Variants in VCAM1 observed in about 807,000 individuals in gnomAD.
The protein encoded by VCAM1 is vascular cell adhesion protein 1.
Under a neutral mutation model 63.8 loss-of-function variants are expected in VCAM1, and 41 were observed. The ratio of observed to expected loss-of-function variants is 0.64; its 90% CI spans 0.50 to 0.83. VCAM1 has a LOEUF of 0.83. Ranked by LOEUF, VCAM1 falls within the 40% of genes least tolerant of loss-of-function variation. The pLI, the probability that VCAM1 is intolerant of heterozygous loss-of-function variation, is 0.00. For missense variants in VCAM1, 798 were observed against 875.5 expected (o/e 0.91, Z 1.12); for synonymous variants, 338 against 320.7 (o/e 1.05, Z -0.58).
chr1:100,732,721 T>C, intron 7 of VCAM1, 37 bp downstream of exon 7: 1 of 1,507,266 alleles, frequency 6.6e-7, no homozygotes, highest in South Asian at 1.4e-5. Flanking sequence ...TCCTTGCTAG[T>C]AATGTTTTTG....
chr1:100,733,752 C>A lies in VCAM1; in HGVS notation c.1793-750C>A, dbSNP rs558870407. 2.6e-5 allele frequency among the ~76,000 whole-genome samples: 4 copies of A among 152,304 alleles called. No individual in the cohort carries two copies. In the South Asian group the frequency reaches 8.3e-4, roughly 32 times the overall value. On this transcript the variant is annotated intron_variant, in intron 7 of 8. Transcript: ENST00000294728. ...AAAAAGCCACATCTGTACAGCTTAA[C>A]TTCTTGATTGAAGAATCCAACTCAA... is the stretch of plus-strand genomic sequence containing the variant.
In VCAM1 at chr1:100,720,716, G is replaced by A. The variant is rs1351920024; in HGVS notation, c.305G>A (p.Arg102Lys). Reference protein sequence around the residue: ...SYLCTATCESRKLEKGIQVEI... With the variant: ...SYLCTATCESKKLEKGIQVEI... ...CTGTGCACAGCAACTTGTGAATCTA[G>A]GAAATTGGAAAAAGGAATCCAGGTG... is the stretch of plus-strand genomic sequence containing the variant. The change falls in exon 2 of 9, where the codon AGG becomes AAG. Residue 102 changes from arginine to lysine, a missense_variant. By Grantham distance (26) the Arg-to-Lys change is conservative. Transcript: ENST00000294728. 3 of 1,611,476 alleles carry A rather than the reference G, an allele frequency of 1.9e-6. No homozygotes were observed. Among genetic ancestry groups the A allele is most frequent in the South Asian group, 1.1e-5 (1 of 90,664 alleles).
chr1:100,722,723 T>A (rs1215766348), intron 2 of VCAM1, among the ~76,000 whole-genome samples: 2 of 152,106 alleles, frequency 1.3e-5, no homozygotes, highest in African/African-American at 2.4e-5. Context: ...TATAGCACAG[T>A]GACAGCCACA....
In VCAM1 at chr1:100,737,088, C is replaced by G. The variant is rs962244365; in HGVS notation, c.2060-1035C>G. Reference sequence around the variant, plus strand: ...TAGCAGCTGTCAGATGATTTTTTAGCAGATTAGAAAGAATACTAATTTTAA... The same window carrying G: ...TAGCAGCTGTCAGATGATTTTTTAGGAGATTAGAAAGAATACTAATTTTAA... On this transcript the variant is annotated intron_variant, in intron 8 of 8. Coordinates refer to ENST00000294728, the MANE Select transcript of VCAM1 (RefSeq NM_001078.4). The G allele has an allele frequency of 4.6e-5, 7 of 152,070 alleles. No individual in the cohort carries two copies. In the East Asian group the frequency reaches 1.3e-3, roughly 29 times the overall value. The allele number at this position is 152,070 out of a possible 1,614,324, so 9.4% of individuals were successfully genotyped here.
chr1:100,725,438 C>T (rs1161101913), intron 4 of VCAM1, among the ~76,000 whole-genome samples: 1 of 152,036 alleles, frequency 6.6e-6, no homozygotes, highest in East Asian at 1.9e-4. Context: ...GTTTCTGGCA[C>T]TTTCCATATG....
chr1:100,724,625 A>T lies in VCAM1; in HGVS notation c.663A>T (p.Ile221=). The part of the protein sequence containing the change: ...RQAVKELQVY[I]SPKNTVISVN... Reference sequence around the variant, plus strand: ...TAATATTATTTTTTGCCCTTTCAGTATCACCCAAGAATACAGTTATTTCTG... The same window carrying T: ...TAATATTATTTTTTGCCCTTTCAGTTTCACCCAAGAATACAGTTATTTCTG... The change falls in exon 4 of 9, where the codon ATA becomes ATT. Residue 221 remains isoleucine, a splice_region_variant and synonymous_variant. Coordinates refer to ENST00000294728, the MANE Select transcript of VCAM1 (RefSeq NM_001078.4). 6.2e-7 allele frequency: 1 copy of T among 1,610,294 alleles called. No homozygotes were observed.
Position 100,723,217 on chromosome 1 carries a change from G to T in VCAM1, c.538G>T (p.Val180Leu). Residue 180 changes from valine (V) to leucine (L), a missense_variant, in exon 3 of 9, where the codon GTA becomes TTA. Transcript: ENST00000294728. ...GTCCCTGGAAACCAAGAGTTTGGAA[G>T]TAACCTTTACTCCTGTCATTGAGGA... The part of the protein sequence containing the change: ...RKSLETKSLE[V>L]TFTPVIEDIG... The T allele has an allele frequency of 1.2e-6, 2 of 1,613,142 alleles. No individual in the cohort carries two copies. Among genetic ancestry groups the T allele is most frequent in the South Asian group, 1.1e-5 (1 of 91,068 alleles).
chr1:100,723,339 C>T lies in VCAM1; in HGVS notation c.660C>T (p.Tyr220=), dbSNP rs761351456. The T allele has an allele frequency of 1.9e-6, 3 of 1,611,300 alleles. No individual in the cohort carries two copies. The highest frequency in any genetic ancestry group is 1.7e-4 in the Middle Eastern group (1 of 6,044). Residue 220 remains tyrosine, a splice_region_variant and synonymous_variant, in exon 3 of 9, where the codon TAC becomes TAT. Coordinates refer to ENST00000294728, the MANE Select transcript of VCAM1 (RefSeq NM_001078.4). ...VRQAVKELQV[Y]ISPKNTVISV... is the part of the protein sequence containing the mutation. The stretch of plus-strand genomic sequence containing the variant: ...AGGCTGTAAAAGAATTGCAAGTCTA[C>T]AGTAAGTACTTGTGCGATGTGTTCC...
At chr1:100,720,115 C>T (rs112946171) in intron 1 of VCAM1, among the ~76,000 whole-genome samples, 191 bp downstream of exon 1, 17 of 152,142 alleles carry the variant, frequency 1.1e-4, no homozygotes, top group African/African-American at 3.9e-4. Flanking sequence ...ATAGTTAGAG[C>T]TGAAAATTGA....
At chr1:100,722,871 C>A in intron 2 of VCAM1, 149 bp from the exon 3 acceptor site, 2 of 889,334 alleles carry the variant, frequency 2.2e-6, no homozygotes, top group Non-Finnish European at 3.3e-6. Flanking sequence ...GAACTCACCC[C>A]AAATCATGAA....
At chr1:100,726,849 ATGTGTCTTTCCACTAAAC>A (rs1415669456) in intron 4 of VCAM1, among the ~76,000 whole-genome samples, 1 of 152,068 alleles carries the variant, frequency 6.6e-6, no homozygotes, top group East Asian at 1.9e-4. Context: ...ATCTTTTTAA[ATGTGTCTTTCCACTAAAC>A]TGTAAATTCC....
At position 100,738,198 on chromosome 1, in the gene VCAM1, C is replaced by A; in HGVS notation, c.2135C>A (p.Ala712Asp). 1 of 1,613,812 alleles carries A rather than the reference C, an allele frequency of 6.2e-7. No individual in the cohort carries two copies. The highest frequency in any genetic ancestry group is 8.5e-7 in the Non-Finnish European group (1 of 1,179,774). The stretch of plus-strand genomic sequence containing the variant: ...TTTGCATCCTCCTTAATAATACCTG[C>A]CATTGGAATGATAATTTACTTTGCA... ...LYFASSLIIP[A>D]IGMIIYFARK... Residue 712 changes from alanine (A) to aspartate (D), a missense_variant, in exon 9 of 9, where the codon GCC becomes GAC. Physicochemically the swap from Ala to Asp is moderately radical, Grantham distance 126. Coordinates refer to ENST00000294728, the MANE Select transcript of VCAM1 (RefSeq NM_001078.4).
rs1660007084 is a variant in VCAM1, at chr1:100,723,001, A to G, written c.341-19A>G. 1 of 1,595,858 alleles carries G rather than the reference A, an allele frequency of 6.3e-7. No individual in the cohort carries two copies. Reference sequence around the variant, plus strand: ...ACATTAGCAAAAAGCCCATCCATGTATTTGTTTGGCCTTTTCAGCTTTTCC... The same window carrying G: ...ACATTAGCAAAAAGCCCATCCATGTGTTTGTTTGGCCTTTTCAGCTTTTCC... On this transcript the variant is annotated intron_variant, in intron 2 of 8. Transcript: ENST00000294728.
At chr1:100,720,940 C>G (rs1257847929) in intron 2 of VCAM1, among the ~76,000 whole-genome samples, 189 bp downstream of exon 2, 1 of 152,082 alleles carries the variant, frequency 6.6e-6, no homozygotes, top group Non-Finnish European at 1.5e-5. Context: ...CAAATCTTGG[C>G]TTCTATTTCT....
chr1:100,724,345 A>G (rs1660085117), intron 3 of VCAM1, among the ~76,000 whole-genome samples: 1 of 152,042 alleles, frequency 6.6e-6, no homozygotes, highest in South Asian at 2.1e-4. Flanking sequence ...GAATGCTTAA[A>G]TGGGACTCTT....
chr1:100,727,470 T>A (rs914735775), intron 4 of VCAM1, among the ~76,000 whole-genome samples: 4 of 152,106 alleles, frequency 2.6e-5, no homozygotes, highest in African/African-American at 7.2e-5. Flanking sequence ...AGCTAATCAT[T>A]CACCCTGGAA....
chr1:100,734,828 A>G (rs917859101), intron 8 of VCAM1, 60 bp downstream of exon 8: 10 of 1,557,748 alleles, frequency 6.4e-6, no homozygotes, highest in Non-Finnish European at 8.7e-6. Context: ...AAGGATTACT[A>G]AGAGTTTCCA....
chr1:100,731,491 C>T lies in VCAM1; in HGVS notation c.1498C>T (p.Gln500Ter). 1 of 1,613,198 alleles carries T rather than the reference C, an allele frequency of 6.2e-7. No individual in the cohort carries two copies. Among genetic ancestry groups the T allele is most frequent in the Non-Finnish European group, 8.5e-7 (1 of 1,179,704 alleles). ...DDMEFEPKQR[Q>*]STQTLYVNVA... The stretch of plus-strand genomic sequence containing the variant: ...CATGGAATTCGAACCCAAACAAAGG[C>T]AGAGTACGCAAACACTTTATGTCAA... The change falls in exon 6 of 9, where the codon CAG (glutamine) becomes TAG (stop). Residue 500 changes from glutamine (Q) to a stop codon, truncating the protein, a stop_gained. Coordinates refer to ENST00000294728, the MANE Select transcript of VCAM1 (RefSeq NM_001078.4). LOFTEE classifies it high-confidence loss of function. The surrounding 1 kb of genome is among the most constrained non-coding windows in gnomAD (Gnocchi z 4.2).
Position 100,719,832 on chromosome 1 carries a change from C to G in VCAM1, c.-29C>G. On this transcript the variant is annotated 5_prime_UTR_variant, in exon 1 of 9. Transcript: ENST00000294728. ...GACACAAATAAGGGTTTTGGAACCA[C>G]TATTTTCTCATCACGACAGCAACTT... The G allele has an allele frequency of 6.2e-7, 1 of 1,608,860 alleles. No individual in the cohort carries two copies. The highest frequency in any genetic ancestry group is 8.5e-7 in the Non-Finnish European group (1 of 1,176,518).
Sources: allele counts gnomAD v4.1 joint callset (sites outside exome capture counted in the v4.1 genomes callset), GRCh38; gene constraint gnomAD v4.1.1; non-coding constraint Gnocchi (gnomAD v3.1); transcripts MANE v1.5; gene names NCBI Gene and HGNC (gene_info 2026-07-23, HGNC 2026-07-21).